Variants in GRK3 observed in about 807,000 individuals in gnomAD.
GRK3 encodes G protein-coupled receptor kinase 3, also known as adrenergic, beta, receptor kinase 2.
In GRK3, 54 loss-of-function variants were observed where a neutral mutation model predicts 95.7. The observed-to-expected ratio is 0.56, with a 90% CI of 0.45 to 0.71. The LOEUF is 0.71. Ranked by LOEUF, GRK3 falls within the 30% of genes least tolerant of loss-of-function variation. The pLI, the probability that GRK3 is intolerant of heterozygous loss-of-function variation, is 0.00. For missense variants in GRK3, 649 were observed against 851.2 expected (o/e 0.76, Z 2.96); for synonymous variants, 281 against 290.8 (o/e 0.97, Z 0.34).
chr22:25,626,780 G>A (rs1222048478), intron 2 of GRK3, among the ~76,000 whole-genome samples: 1 of 152,240 alleles, frequency 6.6e-6, no homozygotes, highest in Non-Finnish European at 1.5e-5. Flanking sequence ...CCAGGCTGCA[G>A]GTTTGAAGAT....
chr22:25,610,841 A>G (rs2084491382), intron 2 of GRK3, among the ~76,000 whole-genome samples: 1 of 152,116 alleles, frequency 6.6e-6, no homozygotes, highest in Admixed American at 6.5e-5. Flanking sequence ...AGCATTCCAT[A>G]TTATGGACAG....
intron 2 of GRK3, among the ~76,000 whole-genome samples, chr22:25,605,583 A>T (rs986199281): frequency 1.3e-5 from 2 of 152,262 alleles, no homozygotes; most frequent in African/African-American, 4.8e-5. Flanking sequence ...TTATTGAGGT[A>T]TATTTCACAT....
chr22:25,584,218 A>G (rs1029261126), intron 1 of GRK3, among the ~76,000 whole-genome samples: 2 of 152,258 alleles, frequency 1.3e-5, no homozygotes, highest in Non-Finnish European at 2.9e-5. Context: ...CAGCAGTTTC[A>G]GTTGTCTGGA....
At chr22:25,565,981 C>T (rs1337156970) in intron 1 of GRK3, among the ~76,000 whole-genome samples, 1 of 152,020 alleles carries the variant, frequency 6.6e-6, no homozygotes. Flanking sequence ...GAGGTGCATA[C>T]CAAGTTGCAA....
At chr22:25,706,403 G>A (rs149450304) in intron 15 of GRK3, among the ~76,000 whole-genome samples, 138 of 152,240 alleles carry the variant, frequency 9.1e-4, no homozygotes, top group South Asian at 2.9e-3. Context: ...TGCTGGCTCC[G>A]TCCCCAGGGC....
chr22:25,622,791 G>A (rs567041894), intron 2 of GRK3, among the ~76,000 whole-genome samples: 1 of 152,302 alleles, frequency 6.6e-6, no homozygotes, highest in Admixed American at 6.5e-5. Context: ...CAGCAGAGAT[G>A]TAAGAATGGG....
intron 1 of GRK3, among the ~76,000 whole-genome samples, chr22:25,588,797 C>T (rs1195224073): frequency 1.4e-5 from 2 of 139,934 alleles, no homozygotes; most frequent in Non-Finnish European, 3.1e-5. Flanking sequence ...TTTTTTGAGA[C>T]AAGGTTTGTC....
intron 11 of GRK3, among the ~76,000 whole-genome samples, chr22:25,687,929 T>C (rs982776870): frequency 6.6e-6 from 1 of 152,126 alleles, no homozygotes; most frequent in Admixed American, 6.5e-5. Context: ...AAATATTTAG[T>C]TGATTAGTTA....
Position 25,725,215 on chromosome 22 carries a change from A to G in GRK3, c.*2765A>G, listed in dbSNP as rs1215344725. 1 of 201,290 alleles carries G rather than the reference A, an allele frequency of 5.0e-6. No individual in the cohort carries two copies. The highest frequency in any genetic ancestry group is 9.9e-6 in the Non-Finnish European group (1 of 101,042). The allele number at this position is 201,290 out of a possible 1,614,324, so 12.5% of individuals were successfully genotyped here. A position where few individuals can be genotyped will look rare whatever the true frequency, so the allele number is the denominator to read the frequency against. ...TCACCCTTATTACACTCCAACTATT[A>G]AAAAGGTCAAAATTCAGCCTATTTT... On this transcript the variant is annotated 3_prime_UTR_variant, in exon 21 of 21. Coordinates refer to ENST00000324198, the MANE Select transcript of GRK3 (RefSeq NM_005160.4).
At chr22:25,681,165 T>C (rs2085070908) in intron 9 of GRK3, among the ~76,000 whole-genome samples, 1 of 152,198 alleles carries the variant, frequency 6.6e-6, no homozygotes, top group Non-Finnish European at 1.5e-5. Flanking sequence ...GACTCATTTA[T>C]TCCCTGAACC....
rs202104653 is a variant in GRK3 at position 25,711,065 on chromosome 22, C to T, written c.1396-3C>T. ...CTGTACCATGCTTGTTTGGATCTTC[C>T]AGTACCCACCACCCTTGATTCCTCC... On this transcript the variant is annotated splice_polypyrimidine_tract_variant and splice_region_variant and intron_variant, in intron 16 of 20. Coordinates refer to ENST00000324198, the MANE Select transcript of GRK3 (RefSeq NM_005160.4). 4.4e-6 allele frequency: 7 copies of T among 1,605,376 alleles called. No individual in the cohort carries two copies. In the East Asian group the frequency reaches 6.7e-5, roughly 15 times the overall value.
intron 2 of GRK3, among the ~76,000 whole-genome samples, chr22:25,618,783 C>A (rs2084558827): frequency 6.6e-6 from 1 of 151,564 alleles, no homozygotes; most frequent in Admixed American, 6.6e-5. Context: ...GATGCCCTCA[C>A]CTCAGCAAGA....
chr22:25,725,785 A>T lies in GRK3; in HGVS notation c.*3335A>T. ...CAGAGTGAAACCCCGTCTCTACTAA[A>T]AATACAAATAAAAATTAGCCGGGCG... On this transcript the variant is annotated 3_prime_UTR_variant, in exon 21 of 21. Transcript: ENST00000324198. 1 of 390,358 alleles carries T rather than the reference A, an allele frequency of 2.6e-6. No individual in the cohort carries two copies. The highest frequency in any genetic ancestry group is 4.5e-6 in the Non-Finnish European group (1 of 221,336). The allele number at this position is 390,358 out of a possible 1,614,324, so 24.2% of individuals were successfully genotyped here.
intron 11 of GRK3, among the ~76,000 whole-genome samples, chr22:25,688,106 G>T (rs2085134829): frequency 6.6e-6 from 1 of 151,922 alleles, no homozygotes; most frequent in Admixed American, 6.6e-5. Flanking sequence ...CGTGGTGGCA[G>T]GTGCCTGTAG....
chr22:25,703,334 AC>A (rs1301320153), intron 13 of GRK3, among the ~76,000 whole-genome samples, 175 bp from the exon 14 acceptor site: 3 of 152,166 alleles, frequency 2.0e-5, no homozygotes, highest in African/African-American at 7.2e-5. Flanking sequence ...CTATTTCAGG[AC>A]CTAGCATTTA....
chr22:25,583,374 T>C (rs1224984900), intron 1 of GRK3, among the ~76,000 whole-genome samples: 2 of 151,500 alleles, frequency 1.3e-5, no homozygotes, highest in Non-Finnish European at 2.9e-5. Context: ...TTTTTTTTTT[T>C]CTTAGTTACT....
chr22:25,623,421 G>T (rs1457583175), intron 2 of GRK3, among the ~76,000 whole-genome samples: 1 of 152,172 alleles, frequency 6.6e-6, no homozygotes, highest in African/African-American at 2.4e-5. Flanking sequence ...GTTTGCATCT[G>T]TCCCTTCCCA....
Position 25,577,476 on chromosome 22 carries a change from G to A in GRK3, c.113+12323G>A, listed in dbSNP as rs374882636. 1.1e-4 allele frequency among the ~76,000 whole-genome samples: 16 copies of A among 152,238 alleles called. No individual in the cohort carries two copies. In the East Asian group the frequency reaches 2.1e-3, roughly 20 times the overall value. On this transcript the variant is annotated intron_variant, in intron 1 of 20. Coordinates refer to ENST00000324198, the MANE Select transcript of GRK3 (RefSeq NM_005160.4). ...AGGCATGAGCCACCGTGCCTGGCCC[G>A]TAAAGGATTTTTAATGTTAAACTTG...
intron 6 of GRK3, among the ~76,000 whole-genome samples, chr22:25,671,234 G>A (rs1414731748): frequency 2.0e-5 from 3 of 151,928 alleles, no homozygotes; most frequent in African/African-American, 4.8e-5. Context: ...CAGCTACTCC[G>A]GAGGCTGAGG....
Sources: gnomAD v4.1 joint callset for allele counts (sites outside exome capture counted in the v4.1 genomes callset) on GRCh38, gnomAD v4.1.1 for gene constraint, MANE v1.5 for transcripts, NCBI Gene and HGNC (gene_info 2026-07-23, HGNC 2026-07-21) for gene names.